The following USP18 variants were observed in gnomAD, a reference collection of about 807,000 sequenced individuals.
USP18 encodes the protein ubl carboxyl-terminal hydrolase 18.
USP18 carries 11 observed loss-of-function variants against 48.7 expected under a neutral mutation model. The ratio of observed to expected loss-of-function variants is 0.23; its 90% CI spans 0.14 to 0.37. The LOEUF is 0.37. USP18 is among the 10% of genes least tolerant of loss of function. USP18 has a pLI of 1.00. For missense variants in USP18, 285 were observed against 436.4 expected, an observed-to-expected ratio of 0.65 and a Z score of 3.09; for synonymous variants, 114 against 163.2, an observed-to-expected ratio of 0.70 and a Z score of 2.30.
At chr22:18,162,287 GTT>G (rs869289414) in intron 4 of USP18, among the ~76,000 whole-genome samples, 1,869 of 137,228 alleles carry the variant, frequency 0.014, 48 homozygotes, top group African/African-American at 0.046. Flanking sequence ...AATAGGTTAG[GTT>G]TTTTTTTTTT....
In USP18 at chr22:18,163,707, C is replaced by T. The variant is rs113229475; in HGVS notation, c.400+1772C>T. On this transcript the variant is annotated intron_variant, in intron 4 of 10. Transcript: ENST00000215794. ...AAATACCTCTCCCAGTCTTGTCCCACGGGCCTTGTATAAGAGACGAACTTA... is the reference window on the plus strand; with the variant it reads ...AAATACCTCTCCCAGTCTTGTCCCATGGGCCTTGTATAAGAGACGAACTTA... Among the ~76,000 whole-genome samples, 931 of 152,102 alleles carry T rather than the reference C, an allele frequency of 6.1e-3. 6 individuals carry two copies. The highest frequency in any genetic ancestry group is 0.02 in the African/African-American group (829 of 41,528).
chr22:18,157,041 C>G (rs1278131678), intron 1 of USP18, among the ~76,000 whole-genome samples: 2 of 152,194 alleles, frequency 1.3e-5, no homozygotes, highest in Non-Finnish European at 2.9e-5. Flanking sequence ...TGAGACCAGC[C>G]CAGCACCAGG....
At chr22:18,163,030 C>G (rs1313188239) in intron 4 of USP18, among the ~76,000 whole-genome samples, 3 of 151,312 alleles carry the variant, frequency 2.0e-5, no homozygotes, top group Non-Finnish European at 1.5e-5. Context: ...TTTGCTAATC[C>G]TTTCTTCTGC....
intron 10 of USP18, among the ~76,000 whole-genome samples, chr22:18,174,570 C>G (rs1929730941): frequency 6.6e-6 from 1 of 152,078 alleles, no homozygotes; most frequent in South Asian, 2.1e-4. Context: ...ACCTCTTTTA[C>G]AGCGAAGATC....
chr22:18,170,263 G>A (rs1319521748), intron 7 of USP18, among the ~76,000 whole-genome samples: 1 of 151,776 alleles, frequency 6.6e-6, no homozygotes, highest in Admixed American at 6.6e-5. Context: ...CACTAGTCTG[G>A]GGTTGCCCCC....
intron 1 of USP18, among the ~76,000 whole-genome samples, chr22:18,151,209 A>T (rs1928991886): frequency 6.6e-6 from 1 of 152,086 alleles, no homozygotes; most frequent in Admixed American, 6.6e-5. Context: ...TCTCTTCTTC[A>T]CACCCTTTTC....
In USP18 at chr22:18,157,774, G is replaced by A. The variant is rs1173140457; in HGVS notation, c.111G>A (p.Lys37=). 2.5e-6 allele frequency: 4 copies of A among 1,614,056 alleles called. No individual in the cohort carries two copies. Among genetic ancestry groups the A allele is most frequent in the South Asian group, 1.1e-5 (1 of 91,090 alleles). Residue 37 remains lysine (K), a synonymous_variant, in exon 2 of 11, where the codon AAG becomes AAA. Transcript: ENST00000215794. ...EEKKEEDSNM[K]REQPRERPRA... is the part of the protein sequence containing the mutation. ...AGAAGGAAGAAGACAGCAACATGAA[G>A]AGAGAGCAGCCCAGAGAGCGTCCCA...
rs1716622650 is a variant in USP18 at position 18,173,048 on chromosome 22, T to C, written c.892-102T>C. The C allele has an allele frequency of 2.5e-6, 4 of 1,575,844 alleles. No homozygotes were observed. The Middle Eastern group carries it at 5.1e-4, about 201-fold the overall frequency. ...TGTGGGTCGGGACTGTTTTCTAATA[T>C]TCTAAAGTCCCAGAGTCGGGCCTAG... On this transcript the variant is annotated intron_variant, in intron 8 of 10. Coordinates refer to ENST00000215794, the MANE Select transcript of USP18 (RefSeq NM_017414.4).
chr22:18,157,708 C>G lies in USP18; in HGVS notation c.45C>G (p.Ile15Met). ...FGLLRQICQS[I>M]LAESSQSPAD... ...TCCTGAGGCAAATCTGTCAGTCCAT[C>G]CTGGCTGAGTCCTCGCAGTCCCCGG... The change falls in exon 2 of 11, where the codon ATC becomes ATG. Residue 15 changes from isoleucine (I) to methionine (M), a missense_variant. Physicochemically the swap from Ile to Met is conservative, Grantham distance 10 (BLOSUM62 1). Coordinates refer to ENST00000215794, the MANE Select transcript of USP18 (RefSeq NM_017414.4). 1 of 1,614,086 alleles carries G rather than the reference C, an allele frequency of 6.2e-7. No individual in the cohort carries two copies.
In USP18 at chr22:18,159,654, C is replaced by T. The variant is rs187633045; in HGVS notation, c.158-518C>T. Reference sequence around the variant, plus strand: ...CTGGGACTACAGGCACCTGTCATGACACCTGGCTGATTTTTGGATTTTTTT... The same window carrying T: ...CTGGGACTACAGGCACCTGTCATGATACCTGGCTGATTTTTGGATTTTTTT... On this transcript the variant is annotated intron_variant, in intron 2 of 10. Transcript: ENST00000215794. 1.1e-3 allele frequency among the ~76,000 whole-genome samples: 162 copies of T among 146,714 alleles called. 3 individuals carry two copies. The highest frequency in any genetic ancestry group is 8.5e-4 in the Non-Finnish European group (57 of 67,328).
intron 3 of USP18, 142 bp from the exon 4 acceptor site, chr22:18,161,648 C>T (rs548003387): frequency 1.9e-4 from 152 of 808,866 alleles, no homozygotes; most frequent in South Asian, 1.6e-3. Flanking sequence ...CCGCGCCCCG[C>T]CCCCCGGACC....
intron 4 of USP18, among the ~76,000 whole-genome samples, chr22:18,162,213 G>A (rs1929352851): frequency 6.6e-6 from 1 of 151,766 alleles, no homozygotes; most frequent in Admixed American, 6.6e-5. Flanking sequence ...CACAGTCAGG[G>A]AACTGCAGGA....
intron 1 of USP18, among the ~76,000 whole-genome samples, chr22:18,157,199 C>T (rs1900938926): frequency 6.6e-6 from 1 of 152,250 alleles, no homozygotes; most frequent in African/African-American, 2.4e-5. Flanking sequence ...GGTTGAGAGG[C>T]TTCCCCTGTA....
chr22:18,157,204 C>T (rs966086012), intron 1 of USP18, among the ~76,000 whole-genome samples: 1 of 152,248 alleles, frequency 6.6e-6, no homozygotes. Flanking sequence ...AGAGGCTTCC[C>T]CTGTATGCCA....
intron 1 of USP18, among the ~76,000 whole-genome samples, chr22:18,156,493 C>T (rs62229508): frequency 0.078 from 11,802 of 152,234 alleles, 579 homozygotes; most frequent in South Asian, 0.11. Context: ...TGTAGCTTCA[C>T]TCCTGAAGCC....
Position 18,154,995 on chromosome 22 carries a change from G to T in USP18, c.-106-2563G>T, listed in dbSNP as rs142456925. On this transcript the variant is annotated intron_variant, in intron 1 of 10. Transcript: ENST00000215794. The stretch of plus-strand genomic sequence containing the variant: ...GCTTCAGCTGTTGTAGTGCTGGGGG[G>T]TGCTCTAAGCCCAGCATCACTGTGG... Among the ~76,000 whole-genome samples the T allele has an allele frequency of 3.9e-5, 6 of 152,322 alleles. No homozygotes were observed. The South Asian group carries it at 6.2e-4, about 16-fold the overall frequency.
At chr22:18,156,343 G>C (rs1216721483) in intron 1 of USP18, among the ~76,000 whole-genome samples, 1 of 152,188 alleles carries the variant, frequency 6.6e-6, no homozygotes, top group Non-Finnish European at 1.5e-5. Flanking sequence ...CAGGCTGCCC[G>C]AGCCAGCAGT....
intron 1 of USP18, among the ~76,000 whole-genome samples, chr22:18,154,831 CTG>C (rs1017235633): frequency 2.6e-5 from 4 of 152,188 alleles, no homozygotes; most frequent in Admixed American, 6.5e-5. Flanking sequence ...ATCCTTATGG[CTG>C]TGTGTCAATG....
At chr22:18,174,222 TC>T (rs1929716706) in intron 10 of USP18, among the ~76,000 whole-genome samples, 1 of 150,748 alleles carries the variant, frequency 6.6e-6, no homozygotes, top group Non-Finnish European at 1.5e-5. Context: ...GGTTTTCTTT[TC>T]TTTTCTTTTC....
Sources: gnomAD v4.1 joint callset for allele counts (sites outside exome capture counted in the v4.1 genomes callset) on GRCh38, gnomAD v4.1.1 for gene constraint, MANE v1.5 for transcripts, NCBI Gene and HGNC (gene_info 2026-07-23, HGNC 2026-07-21) for gene names.